The following FNDC1 variants were observed in gnomAD, a reference collection of about 807,000 sequenced individuals.
The protein encoded by FNDC1 is fibronectin type III domain containing 1.
In FNDC1, 96 loss-of-function variants were observed where a neutral mutation model predicts 168.0. That is an observed-to-expected ratio of 0.57 (90% CI 0.48 to 0.68). The LOEUF is 0.68. Ranked by LOEUF, FNDC1 falls within the 30% of genes least tolerant of loss-of-function variation. The pLI is 0.00. For synonymous variants in FNDC1, 1,099 were observed against 1,025.9 expected (o/e 1.07, Z -1.36); for missense variants, 2,587 against 2,482.1 (o/e 1.04, Z -0.90).
intron 4 of FNDC1, among the ~76,000 whole-genome samples, chr6:159,213,407 A>AT (rs1473888176): frequency 1.3e-5 from 2 of 152,176 alleles, no homozygotes; most frequent in African/African-American, 2.4e-5. Flanking sequence ...CTTTTAAAAA[A>AT]TTTTTATTGC....
At chr6:159,235,846 T>C (rs559460062) in intron 11 of FNDC1, among the ~76,000 whole-genome samples, 1 of 152,330 alleles carries the variant, frequency 6.6e-6, no homozygotes, top group Admixed American at 6.5e-5. Context: ...ATCTAGTACA[T>C]TTTAGACATA....
intron 4 of FNDC1, among the ~76,000 whole-genome samples, chr6:159,200,953 T>C (rs1283814091): frequency 6.6e-6 from 1 of 152,276 alleles, no homozygotes; most frequent in Admixed American, 6.5e-5. Context: ...TAGTGGCTTT[T>C]ATGGGCTAAC....
In FNDC1 at chr6:159,234,007, GCC is replaced by G. The variant is rs746520019; in HGVS notation, c.3498_3499del (p.Leu1167ValfsTer22). 6.2e-7 allele frequency: 1 copy of G among 1,607,596 alleles called. No homozygotes were observed. The highest frequency in any genetic ancestry group is 1.1e-5 in the South Asian group (1 of 89,962). On this transcript the variant is annotated frameshift_variant, in exon 11 of 23. Transcript: ENST00000297267. LOFTEE classifies it high-confidence loss of function. ...GGAAGTCGGAGCCTCCTTCCAAGCGGCCCCTGTCCTCCAAGTCCCAGCAGTCG... is the reference window on the plus strand; with the variant it reads ...GGAAGTCGGAGCCTCCTTCCAAGCGGCCTGTCCTCCAAGTCCCAGCAGTCG... ...PGKSEPPSKR[P>X]LSSKSQQSVS...
intron 2 of FNDC1, among the ~76,000 whole-genome samples, chr6:159,199,507 A>T (rs1782327593): frequency 6.6e-6 from 1 of 152,238 alleles, no homozygotes; most frequent in African/African-American, 2.4e-5. Flanking sequence ...ATGAAGCTTT[A>T]TGTATTGCAG....
Position 159,200,562 on chromosome 6 carries a change from A to G in FNDC1, c.441A>G (p.Pro147=). The G allele has an allele frequency of 6.3e-7, 1 of 1,596,718 alleles. No homozygotes were observed. Among genetic ancestry groups the G allele is most frequent in the South Asian group, 1.1e-5 (1 of 87,608 alleles). Residue 147 remains proline (P), a synonymous_variant, in exon 4 of 23, where the codon CCA becomes CCG. Transcript: ENST00000297267. ...GTTTTCCCATTAAGGGTCCAGGACCATTTAATGAAACCGTCACAGGTACTA... is the reference window on the plus strand; with the variant it reads ...GTTTTCCCATTAAGGGTCCAGGACCGTTTAATGAAACCGTCACAGGTACTA... ...IDGFPIKGPG[P]FNETVTEKEV...
Position 159,169,679 on chromosome 6 carries a change from C to T in FNDC1, c.83C>T (p.Pro28Leu), listed in dbSNP as rs1384137205. ...AALLLLAALL[P>L]VASSAAASVD... is the part of the protein sequence containing the mutation. ...CTGCTGCTCTTGGCCGCGCTGCTCC[C>T]CGTCGCCTCCTCGGCGGCGGCCTCA... is the stretch of plus-strand genomic sequence containing the variant. The change falls in exon 1 of 23, where the codon CCC (proline) becomes CTC (leucine). Residue 28 changes from proline (P) to leucine (L), a missense_variant. Transcript: ENST00000297267. The surrounding 1 kb of genome is among the most constrained non-coding windows in gnomAD (Gnocchi z 6.8). 25 of 1,162,826 alleles carry T rather than the reference C, an allele frequency of 2.1e-5. No individual in the cohort carries two copies. The highest frequency in any genetic ancestry group is 2.6e-5 in the Non-Finnish European group (25 of 944,172). The allele number at this position is 1,162,826 out of a possible 1,614,324, so 72.0% of individuals were successfully genotyped here.
At chr6:159,265,708 T>C (rs575539) in intron 20 of FNDC1, among the ~76,000 whole-genome samples, 25,028 of 152,012 alleles carry the variant, frequency 0.16, 2,336 homozygotes, top group East Asian at 0.38. Flanking sequence ...GGTGGGCGGA[T>C]TGCGAGGTCA....
At chr6:159,175,502 T>C (rs971536657) in intron 1 of FNDC1, among the ~76,000 whole-genome samples, 5 of 152,230 alleles carry the variant, frequency 3.3e-5, no homozygotes, top group African/African-American at 1.2e-4. Flanking sequence ...ACATCTTTGA[T>C]CTGCTCAGAA....
rs570926148 is a variant in FNDC1 at position 159,239,239 on chromosome 6, T to C, written c.4181-278T>C. Among the ~76,000 whole-genome samples the C allele has an allele frequency of 3.9e-5, 6 of 152,298 alleles. No individual in the cohort carries two copies. The East Asian group carries it at 1.2e-3, about 29-fold the overall frequency. ...TATGAGGCTTAACATATTCGCTTCC[T>C]GGCCCTTTACAGAAGAAGTTTTCCA... On this transcript the variant is annotated intron_variant, in intron 13 of 22. Coordinates refer to ENST00000297267, the MANE Select transcript of FNDC1 (RefSeq NM_032532.3).
intron 14 of FNDC1, chr6:159,241,201 A>G (rs1026384509): frequency 6.6e-6 from 1 of 152,228 alleles, no homozygotes; most frequent in Non-Finnish European, 1.5e-5. Flanking sequence ...TAGTATTGAC[A>G]TCTGACCTCT....
At chr6:159,240,581 T>A (rs2115002448) in intron 14 of FNDC1, among the ~76,000 whole-genome samples, 1 of 152,306 alleles carries the variant, frequency 6.6e-6, no homozygotes, top group South Asian at 2.1e-4. Flanking sequence ...GTGTGGGCTT[T>A]CCACTGGGTA....
intron 1 of FNDC1, among the ~76,000 whole-genome samples, chr6:159,193,384 A>T (rs556404333): frequency 6.6e-6 from 1 of 152,116 alleles, no homozygotes; most frequent in East Asian, 1.9e-4. Flanking sequence ...TGAGCATTTC[A>T]TGGTCTTCAT....
At chr6:159,204,654 C>T (rs931330475) in intron 4 of FNDC1, among the ~76,000 whole-genome samples, 14 of 152,208 alleles carry the variant, frequency 9.2e-5, no homozygotes, top group African/African-American at 3.4e-4. Context: ...GTCGCTCTGC[C>T]AGGACCCCCA....
At chr6:159,180,544 C>T (rs1050744766) in intron 1 of FNDC1, among the ~76,000 whole-genome samples, 5 of 151,888 alleles carry the variant, frequency 3.3e-5, no homozygotes, top group Admixed American at 3.3e-4. Flanking sequence ...TAAATGTGTG[C>T]CATGGTGGTT....
chr6:159,241,140 A>G (rs1316896477), intron 14 of FNDC1: 1 of 152,090 alleles, frequency 6.6e-6, no homozygotes, highest in African/African-American at 2.4e-5. Flanking sequence ...GAAAATTTCT[A>G]CTCTGTCCAT....
At chr6:159,198,535 C>A (rs1442578608) in intron 2 of FNDC1, among the ~76,000 whole-genome samples, 1 of 151,414 alleles carries the variant, frequency 6.6e-6, no homozygotes, top group Non-Finnish European at 1.5e-5. Context: ...AGCTAAATGT[C>A]CATTTCCCTT....
At chr6:159,268,581 A>G (rs1370168108) in intron 22 of FNDC1, among the ~76,000 whole-genome samples, 2 of 152,050 alleles carry the variant, frequency 1.3e-5, no homozygotes, top group East Asian at 1.9e-4. Flanking sequence ...CCATCCATCT[A>G]TCCGTCTCTC....
In FNDC1 at chr6:159,175,937, A is replaced by T. The variant is rs117471405; in HGVS notation, c.109+6232A>T. 1.8e-3 allele frequency among the ~76,000 whole-genome samples: 277 copies of T among 152,362 alleles called. 4 individuals carry two copies. The highest frequency in any genetic ancestry group is 0.01 in the Middle Eastern group (3 of 294). On this transcript the variant is annotated intron_variant, in intron 1 of 22. Coordinates refer to ENST00000297267, the MANE Select transcript of FNDC1 (RefSeq NM_032532.3). ...TTAAGTCAAGGAAAAATGCTGAGAA[A>T]CATTAGTGGCTAATCTATATGGTTG...
At chr6:159,174,905 T>C (rs73799313) in intron 1 of FNDC1, among the ~76,000 whole-genome samples, 9,706 of 152,228 alleles carry the variant, frequency 0.064, 1,003 homozygotes, top group African/African-American at 0.22. Flanking sequence ...AGCCTCTCCC[T>C]TCCACCACCA....
Sources: allele counts gnomAD v4.1 joint callset (sites outside exome capture counted in the v4.1 genomes callset), GRCh38; gene constraint gnomAD v4.1.1; non-coding constraint Gnocchi (gnomAD v3.1); transcripts MANE v1.5; gene names NCBI Gene and HGNC (gene_info 2026-07-23, HGNC 2026-07-21).